The following OXR1 variants were observed in gnomAD, a reference collection of about 807,000 sequenced individuals.
OXR1 encodes oxidation resistance protein 1.
Under a neutral mutation model 104.6 loss-of-function variants are expected in OXR1, and 41 were observed. The observed-to-expected ratio is 0.39, with a 90% CI of 0.31 to 0.51. The LOEUF (loss-of-function observed/expected upper bound fraction) is 0.51, where lower values mean the gene tolerates loss of function less well. Among genes scored for constraint, OXR1 ranks in the 20% least tolerant of loss-of-function variants. The probability of loss-of-function intolerance (pLI) is 0.77; values close to 1 mark genes in which losing one functional copy is unlikely to be tolerated. For missense variants in OXR1, 955 were observed against 1,031.9 expected, an observed-to-expected ratio of 0.93 and a Z score of 1.02; for synonymous variants, 348 against 348.4, an observed-to-expected ratio of 1.00 and a Z score of 0.01.
At chr8:106,693,277 A>T (rs1408360199) in intron 7 of OXR1, among the ~76,000 whole-genome samples, 1 of 152,088 alleles carries the variant, frequency 6.6e-6, no homozygotes, top group Non-Finnish European at 1.5e-5. Flanking sequence ...GAGGTATCTT[A>T]ATTATTTTAT....
intron 3 of OXR1, among the ~76,000 whole-genome samples, chr8:106,648,948 T>C (rs1349182094): frequency 6.6e-6 from 1 of 152,172 alleles, no homozygotes; most frequent in African/African-American, 2.4e-5. Flanking sequence ...CTCATGCCTG[T>C]AATCACAGCA....
intron 2 of OXR1, among the ~76,000 whole-genome samples, chr8:106,379,549 T>TTTC (rs1817052315): frequency 1.4e-5 from 2 of 145,376 alleles, no homozygotes; most frequent in African/African-American, 5.1e-5. Flanking sequence ...TTTTTTTTTT[T>TTTC]TTTTTTTGAG....
At chr8:106,418,519 G>A (rs1818772594) in intron 2 of OXR1, among the ~76,000 whole-genome samples, 1 of 149,838 alleles carries the variant, frequency 6.7e-6, no homozygotes, top group Admixed American at 6.8e-5. Context: ...GCTCCTTCCT[G>A]TTGTTTGTTG....
Position 106,684,232 on chromosome 8 carries a change from A to G in OXR1, c.412-14A>G. 3 of 1,296,998 alleles carry G rather than the reference A, an allele frequency of 2.3e-6. No homozygotes were observed. Among genetic ancestry groups the G allele is most frequent in the South Asian group, 2.4e-5 (2 of 83,164 alleles). 80.3% of individuals were successfully genotyped at this position (1,296,998 alleles called of 1,614,324 possible). A position where few individuals can be genotyped will look rare whatever the true frequency, so the allele number is the denominator to read the frequency against. ...TCATTTTAACTAAATCTTTGTGTGAATGTTTTCTTACAGGTTCTGTATGTT... is the reference window on the plus strand; with the variant it reads ...TCATTTTAACTAAATCTTTGTGTGAGTGTTTTCTTACAGGTTCTGTATGTT... On this transcript the variant is annotated splice_polypyrimidine_tract_variant and intron_variant, in intron 5 of 16. Transcript: ENST00000517566.
At chr8:106,652,831 C>T (rs3101530) in intron 3 of OXR1, among the ~76,000 whole-genome samples, 52,819 of 151,014 alleles carry the variant, frequency 0.35, 9,481 homozygotes, top group Middle Eastern at 0.4. Context: ...ATTAATGAAA[C>T]CTCAAGTTGG....
At chr8:106,698,471 A>G (rs966806397) in intron 7 of OXR1, among the ~76,000 whole-genome samples, 5 of 152,252 alleles carry the variant, frequency 3.3e-5, no homozygotes, top group Middle Eastern at 3.4e-3. Context: ...ATTTCTTCCA[A>G]TATTTTTTGC....
chr8:106,292,217 G>A (rs951296814), intron 1 of OXR1, among the ~76,000 whole-genome samples: 2 of 152,184 alleles, frequency 1.3e-5, no homozygotes, highest in Admixed American at 6.6e-5. Flanking sequence ...CAAAGCACAA[G>A]AGTAGTGATG....
chr8:106,271,233 CT>C (rs2130455837), intron 1 of OXR1, among the ~76,000 whole-genome samples: 1 of 152,266 alleles, frequency 6.6e-6, no homozygotes, highest in African/African-American at 2.4e-5. Context: ...ACTTTCACCC[CT>C]GGCTCCTCCT....
intron 2 of OXR1, among the ~76,000 whole-genome samples, chr8:106,444,471 A>G (rs1188552201): frequency 1.3e-5 from 2 of 152,240 alleles, no homozygotes; most frequent in Non-Finnish European, 2.9e-5. Context: ...GATAAAGAAA[A>G]TGTGGTACAT....
chr8:106,551,856 A>ATGTGTGTG (rs1271918744), intron 3 of OXR1, among the ~76,000 whole-genome samples: 2 of 99,656 alleles, frequency 2.0e-5, no homozygotes, highest in Non-Finnish European at 4.1e-5. Context: ...ATATGTGTAT[A>ATGTGTGTG]TATATGTGTG....
At chr8:106,300,641 CAT>C (rs766638728) in intron 1 of OXR1, among the ~76,000 whole-genome samples, 1 of 152,136 alleles carries the variant, frequency 6.6e-6, no homozygotes, top group Non-Finnish European at 1.5e-5. Context: ...TTCAATGACT[CAT>C]GTGTGGCATA....
At chr8:106,350,305 TATCTC>T (rs2130304962) in intron 1 of OXR1, among the ~76,000 whole-genome samples, 1 of 152,270 alleles carries the variant, frequency 6.6e-6, no homozygotes, top group Admixed American at 6.5e-5. Context: ...CTCGAGAAAA[TATCTC>T]AAACTGTTTT....
intron 7 of OXR1, 138 bp from the exon 8 acceptor site, chr8:106,702,768 T>C: frequency 1.7e-6 from 1 of 600,626 alleles, no homozygotes; most frequent in Non-Finnish European, 2.7e-6. Flanking sequence ...TAAAAATGGT[T>C]TCATGAGAAT....
At chr8:106,506,983 G>C (rs1006599458) in intron 2 of OXR1, among the ~76,000 whole-genome samples, 1 of 151,952 alleles carries the variant, frequency 6.6e-6, no homozygotes, top group African/African-American at 2.4e-5. Flanking sequence ...CAGGTCCTTG[G>C]GAGGCTGAGG....
chr8:106,713,328 A>G (rs1831892119), intron 10 of OXR1, among the ~76,000 whole-genome samples: 1 of 151,898 alleles, frequency 6.6e-6, no homozygotes, highest in Non-Finnish European at 1.5e-5. Context: ...GGAACCTGAG[A>G]TTTCTAAGAT....
intron 1 of OXR1, among the ~76,000 whole-genome samples, chr8:106,332,327 TG>T (rs1163964779): frequency 1.3e-5 from 2 of 152,192 alleles, no homozygotes; most frequent in African/African-American, 4.8e-5. Context: ...TTAAATGTTA[TG>T]AACACTTAGG....
At chr8:106,657,632 G>C (rs983791024) in intron 3 of OXR1, 1 of 172,126 alleles carries the variant, frequency 5.8e-6, no homozygotes, top group Non-Finnish European at 1.2e-5. Context: ...GGAATGCGCT[G>C]AGAGGACCCG....
chr8:106,435,661 T>C (rs1408087706), intron 2 of OXR1, among the ~76,000 whole-genome samples: 2 of 152,136 alleles, frequency 1.3e-5, no homozygotes, highest in Non-Finnish European at 2.9e-5. Flanking sequence ...GGAAAGTGGG[T>C]ACGTTTTGAC....
intron 2 of OXR1, among the ~76,000 whole-genome samples, chr8:106,517,320 A>G (rs1482412377): frequency 6.6e-6 from 1 of 152,128 alleles, no homozygotes; most frequent in Admixed American, 6.6e-5. Context: ...TCTTTGCTCA[A>G]AACTATTTTT....
Sources: allele counts gnomAD v4.1 joint callset (sites outside exome capture counted in the v4.1 genomes callset), GRCh38; gene constraint gnomAD v4.1.1; transcripts MANE v1.5; gene names NCBI Gene and HGNC (gene_info 2026-07-23, HGNC 2026-07-21).